Variants in NDRG2 observed in about 807,000 individuals in gnomAD.
The protein encoded by NDRG2 is NDRG family member 2.
NDRG2 carries 34 observed loss-of-function variants against 58.2 expected under a neutral mutation model. That is an observed-to-expected ratio of 0.58 (90% confidence interval 0.44 to 0.78). NDRG2 has a LOEUF of 0.78. Ranked by LOEUF, NDRG2 falls within the 30% of genes least tolerant of loss-of-function variation. The probability of loss-of-function intolerance (pLI) is 0.00; values close to 1 mark genes in which losing one functional copy is unlikely to be tolerated. For missense variants in NDRG2, 434 were observed against 471.2 expected (o/e 0.92, Z 0.73); for synonymous variants, 187 against 175.9 (o/e 1.06, Z -0.50).
chr14:21,030,857 A>T, intron 1 of NDRG2: 1 of 1,509,022 alleles, frequency 6.6e-7, no homozygotes, highest in South Asian at 1.3e-5. Flanking sequence ...CCTACCAAGC[A>T]CCACAGGGTA....
chr14:21,046,333 T>C (rs1885143006), intron 1 of NDRG2, among the ~76,000 whole-genome samples: 1 of 152,132 alleles, frequency 6.6e-6, no homozygotes. Flanking sequence ...GAGACCAGTC[T>C]GGGCAACATA....
rs1358281285 is a variant in NDRG2, at chr14:21,018,412, G to A, written c.861+45C>T. On this transcript the variant is annotated intron_variant, in intron 13 of 15. Coordinates refer to ENST00000556147, the MANE Select transcript of NDRG2 (RefSeq NM_001320329.2). ...TGGAGGCTTAGCAGCTGCATGTAGA[G>A]AGGATATATGACTGTGGACGGGGGC... 5 of 1,612,250 alleles carry A rather than the reference G, an allele frequency of 3.1e-6. No individual in the cohort carries two copies. In the Admixed American group the frequency reaches 5.0e-5, roughly 16 times the overall value.
intron 4 of NDRG2, 43 bp from the exon 5 acceptor site, chr14:21,022,225 G>A: frequency 1.2e-6 from 2 of 1,613,830 alleles, no homozygotes; most frequent in Non-Finnish European, 1.7e-6. Flanking sequence ...ATCAGACAGG[G>A]ACTCGTGTCC....
chr14:21,062,940 C>G (rs934718010), intron 1 of NDRG2, among the ~76,000 whole-genome samples: 1 of 140,180 alleles, frequency 7.1e-6, no homozygotes, highest in Middle Eastern at 3.6e-3. Context: ...ATAGTGAGAC[C>G]TTGTCTCTAA....
At chr14:21,042,807 G>T in intron 1 of NDRG2, 1 of 601,668 alleles carries the variant, frequency 1.7e-6, no homozygotes, top group Non-Finnish European at 2.9e-6. Flanking sequence ...TGTTGTTGGG[G>T]CTGCAGTGGA....
At chr14:21,036,073 A>G (rs946771944) in intron 1 of NDRG2, 12 of 396,030 alleles carry the variant, frequency 3.0e-5, no homozygotes, top group Non-Finnish European at 5.5e-5. Flanking sequence ...AAGAGTTTTT[A>G]GACCAGTGCC....
chr14:21,038,601 A>G (rs1303035265), intron 1 of NDRG2, among the ~76,000 whole-genome samples: 1 of 152,058 alleles, frequency 6.6e-6, no homozygotes, highest in Non-Finnish European at 1.5e-5. Context: ...AAATGGGGGG[A>G]AACCGGTCTG....
chr14:21,036,038 A>T (rs184118847), intron 1 of NDRG2: 4 of 379,844 alleles, frequency 1.1e-5, no homozygotes, highest in East Asian at 1.4e-4. Context: ...TCACGGCAGT[A>T]TGAGGATCCA....
chr14:21,069,633 C>T (rs1886514289), intron 1 of NDRG2, among the ~76,000 whole-genome samples: 1 of 152,248 alleles, frequency 6.6e-6, no homozygotes, highest in African/African-American at 2.4e-5. Context: ...CGCACACTCC[C>T]GCCTTCCCCA....
intron 1 of NDRG2, 65 bp from the exon 2 acceptor site, chr14:21,023,386 G>A (rs948787963): frequency 2.8e-6 from 4 of 1,408,908 alleles, no homozygotes; most frequent in Non-Finnish European, 4.0e-6. Flanking sequence ...TCAAACACCA[G>A]GCTTCCTCTC....
intron 1 of NDRG2, chr14:21,035,801 G>C: frequency 4.4e-6 from 2 of 456,216 alleles, no homozygotes; most frequent in Non-Finnish European, 8.8e-6. Flanking sequence ...CAGTTTCCCT[G>C]GTTACCTATG....
intron 1 of NDRG2, among the ~76,000 whole-genome samples, chr14:21,062,198 T>G (rs1258690005): frequency 6.6e-6 from 1 of 152,236 alleles, no homozygotes; most frequent in Non-Finnish European, 1.5e-5. Flanking sequence ...AAGAAACATT[T>G]TAAAAACTCA....
rs201485635 is a variant in NDRG2 at position 21,019,909 on chromosome 14, C to T, written c.612+11G>A. 4.3e-5 allele frequency: 69 copies of T among 1,613,914 alleles called. No individual in the cohort carries two copies. In the East Asian group the frequency reaches 1.3e-3, roughly 31 times the overall value. On this transcript the variant is annotated intron_variant, in intron 9 of 15. Coordinates refer to ENST00000556147, the MANE Select transcript of NDRG2 (RefSeq NM_001320329.2). Reference sequence around the variant, plus strand: ...CCCGTCGACTCTTCTACATCTCCTACACCCACTTACCTGGCTGAAAAGATG... The same window carrying T: ...CCCGTCGACTCTTCTACATCTCCTATACCCACTTACCTGGCTGAAAAGATG...
At chr14:21,058,194 G>A (rs1885769145) in intron 1 of NDRG2, 1 of 1,613,954 alleles carries the variant, frequency 6.2e-7, no homozygotes, top group African/African-American at 1.3e-5. Flanking sequence ...CAGAGCCACG[G>A]GCCCATGTCC....
At chr14:21,033,843 A>G (rs1566490201) in intron 1 of NDRG2, 18 of 1,612,958 alleles carry the variant, frequency 1.1e-5, no homozygotes, top group Non-Finnish European at 1.5e-5. Flanking sequence ...GAGACCAGCG[A>G]TACCTATTGG....
chr14:21,040,631 G>A (rs1161659481), intron 1 of NDRG2, among the ~76,000 whole-genome samples: 1 of 152,072 alleles, frequency 6.6e-6, no homozygotes, highest in Non-Finnish European at 1.5e-5. Flanking sequence ...CTGGTCTCTG[G>A]TCCCTCTCTG....
rs1484118138 is a variant in NDRG2 at position 21,070,764 on chromosome 14, C to G, written c.24+64G>C. ...TCCGAGCTCCTTACCCGCGGGAGACCCCTGCGGGTTGGTCCTGCAGCGACC... is the reference window on the plus strand; with the variant it reads ...TCCGAGCTCCTTACCCGCGGGAGACGCCTGCGGGTTGGTCCTGCAGCGACC... On this transcript the variant is annotated intron_variant, in intron 1 of 14. Coordinates refer to the NDRG2 transcript ENST00000403829. The surrounding 1 kb of genome is among the most constrained non-coding windows in gnomAD (Gnocchi z 4.7). The G allele has an allele frequency of 2.7e-6, 4 of 1,507,010 alleles. No individual in the cohort carries two copies. The highest frequency in any genetic ancestry group is 3.6e-6 in the Non-Finnish European group (4 of 1,121,470). 93.4% of individuals were successfully genotyped at this position (1,507,010 alleles called of 1,614,324 possible).
At chr14:21,018,631 A>T in intron 12 of NDRG2, 127 bp from the exon 13 acceptor site, 1 of 1,558,570 alleles carries the variant, frequency 6.4e-7, no homozygotes, top group Admixed American at 1.9e-5. Context: ...CCTTACCAGG[A>T]ATCAAATTCT....
intron 1 of NDRG2, among the ~76,000 whole-genome samples, chr14:21,041,016 G>A (rs1032993342): frequency 1.3e-5 from 2 of 151,710 alleles, no homozygotes; most frequent in Admixed American, 6.6e-5. Flanking sequence ...TTTTGAGACA[G>A]GGTCTCACTC....
Sources: allele counts gnomAD v4.1 joint callset (sites outside exome capture counted in the v4.1 genomes callset), GRCh38; gene constraint gnomAD v4.1.1; non-coding constraint Gnocchi (gnomAD v3.1); transcripts MANE v1.5; gene names NCBI Gene and HGNC (gene_info 2026-07-23, HGNC 2026-07-21).